Variants in CDKN2B-AS1 observed in about 807,000 individuals in gnomAD.
The protein encoded by CDKN2B-AS1 is CDKN2B antisense RNA 1 (non-protein coding).
intron 2 of CDKN2B-AS1, among the ~76,000 whole-genome samples, chr9:22,047,210 G>T (rs1370763894): frequency 6.6e-6 from 1 of 151,188 alleles, no homozygotes; most frequent in African/African-American, 2.4e-5. Flanking sequence ...TCTTTATTTT[G>T]TCTGTACCCA....
intron 1 of CDKN2B-AS1, among the ~76,000 whole-genome samples, chr9:22,044,350 T>G (rs1486202426): frequency 6.6e-6 from 1 of 151,912 alleles, no homozygotes; most frequent in Non-Finnish European, 1.5e-5. Flanking sequence ...ATCCTATAAT[T>G]AAGTTATCAA....
chr9:22,126,977 T>C (rs532759324), intron 4 of CDKN2B-AS1, among the ~76,000 whole-genome samples: 6 of 152,354 alleles, frequency 3.9e-5, no homozygotes, highest in African/African-American at 1.4e-4. Flanking sequence ...CATCAAATCT[T>C]TTACATTGTT....
rs1281402838 is a variant in CDKN2B-AS1 at position 22,120,749 on chromosome 9, GTCA to G, written n.439-6349_439-6347del. 4 of 151,364 alleles carry G rather than the reference GTCA, an allele frequency of 2.6e-5. No individual in the cohort carries two copies. The East Asian group carries it at 7.8e-4, about 29-fold the overall frequency. The allele number at this position is 151,364 out of a possible 1,614,324, so 9.4% of individuals were successfully genotyped here. On this transcript the variant is annotated intron_variant and non_coding_transcript_variant, in intron 4 of 4. Coordinates refer to ENST00000650946, the Ensembl canonical transcript of CDKN2B-AS1. ...TCTTTCTGGTATATTTTCCTGTGTTGTCATCATTATCATCTCCATCATCATTAT... is the reference window on the plus strand; with the variant it reads ...TCTTTCTGGTATATTTTCCTGTGTTGTCATTATCATCTCCATCATCATTAT...
At chr9:22,015,400 A>T (rs1258295621) in intron 1 of CDKN2B-AS1, among the ~76,000 whole-genome samples, 1 of 152,198 alleles carries the variant, frequency 6.6e-6, no homozygotes, top group Non-Finnish European at 1.5e-5. Flanking sequence ...TTTTTAAATC[A>T]GGTAATGTAA....
intron 4 of CDKN2B-AS1, among the ~76,000 whole-genome samples, chr9:22,060,015 T>G (rs1823747832): frequency 6.6e-6 from 1 of 152,120 alleles, no homozygotes; most frequent in Admixed American, 6.5e-5. Context: ...CACTTTTTCC[T>G]CTTGGGCCTC....
intron 1 of CDKN2B-AS1, among the ~76,000 whole-genome samples, chr9:22,015,619 T>A (rs1563922694): frequency 6.6e-6 from 1 of 151,976 alleles, no homozygotes; most frequent in Non-Finnish European, 1.5e-5. Context: ...CCCCATTTAT[T>A]TTTATTTATT....
rs3221506 is a variant in CDKN2B-AS1, at chr9:22,103,131, ATGTGTGTGTGTG to A, written n.439-23935_439-23924del. 4.5e-3 allele frequency among the ~76,000 whole-genome samples: 596 copies of A among 132,518 alleles called. 8 individuals carry two copies. In the East Asian group the frequency reaches 0.05, roughly 11 times the overall value. 86.9% of individuals were successfully genotyped at this position (132,518 alleles called of 152,430 possible). On this transcript the variant is annotated intron_variant and non_coding_transcript_variant, in intron 4 of 4. Transcript: ENST00000650946. ...TTCTGGGGTTTTCATTCTAGAACAG[ATGTGTGTGTGTG>A]TGTGTGTGTGTGTGTGTGTGTGTGT...
At chr9:22,004,147 T>C (rs1433245739) in intron 1 of CDKN2B-AS1, 2 of 232,410 alleles carry the variant, frequency 8.6e-6, no homozygotes, top group Non-Finnish European at 1.7e-5. Context: ...GTACAGATTA[T>C]GTGTCAATAA....
intron 1 of CDKN2B-AS1, chr9:22,012,525 A>C (rs925051564): frequency 9.5e-6 from 6 of 631,550 alleles, no homozygotes; most frequent in Admixed American, 1.9e-5. Flanking sequence ...CTGCACCCCA[A>C]GAAGGTCAAA....
chr9:22,084,217 C>A (rs2131333419), intron 4 of CDKN2B-AS1, among the ~76,000 whole-genome samples: 2 of 152,222 alleles, frequency 1.3e-5, no homozygotes, highest in East Asian at 3.9e-4. Flanking sequence ...AGAATTTGAG[C>A]CCAAGTCTCT....
intron 4 of CDKN2B-AS1, chr9:22,097,116 T>A (rs1825308129): frequency 6.6e-6 from 1 of 152,238 alleles, no homozygotes; most frequent in South Asian, 2.1e-4. Context: ...CCATTCTTAA[T>A]CTTTCTGATA....
chr9:22,114,264 C>G (rs1563989842), intron 4 of CDKN2B-AS1, among the ~76,000 whole-genome samples: 1 of 152,198 alleles, frequency 6.6e-6, no homozygotes, highest in Non-Finnish European at 1.5e-5. Context: ...GTGACTTTCC[C>G]TCTTGGTCTT....
chr9:22,109,584 G>A (rs908947428), intron 4 of CDKN2B-AS1, among the ~76,000 whole-genome samples: 1 of 152,156 alleles, frequency 6.6e-6, no homozygotes, highest in Non-Finnish European at 1.5e-5. Flanking sequence ...GTAAGAGCAA[G>A]TATTTTATTG....
rs1420515662 is a variant in CDKN2B-AS1, at chr9:22,028,408, A to G, written n.30-18343A>G. ...TTAGGTTTCTAATTTTGCTATTCAC[A>G]TGTTAAATGAATTTTCAAAATTCAG... On this transcript the variant is annotated intron_variant and non_coding_transcript_variant, in intron 1 of 4. Transcript: ENST00000650946. Among the ~76,000 whole-genome samples, 9 of 152,262 alleles carry G rather than the reference A, an allele frequency of 5.9e-5. No individual in the cohort carries two copies. In the South Asian group the frequency reaches 6.2e-4, roughly 10 times the overall value.
At chr9:22,088,893 A>G (rs544050837) in intron 4 of CDKN2B-AS1, among the ~76,000 whole-genome samples, 3 of 152,320 alleles carry the variant, frequency 2.0e-5, no homozygotes, top group Admixed American at 6.5e-5. Context: ...GCTAAAATAA[A>G]CAGAAGTGAC....
chr9:22,012,749 G>C (rs569044814), intron 1 of CDKN2B-AS1, among the ~76,000 whole-genome samples: 1 of 152,178 alleles, frequency 6.6e-6, no homozygotes, highest in East Asian at 1.9e-4. Flanking sequence ...AGAAGAGAAG[G>C]AAATTCATAA....
At chr9:22,046,544 T>G (rs1052487638) in intron 1 of CDKN2B-AS1, 1 of 152,182 alleles carries the variant, frequency 6.6e-6, no homozygotes, top group Non-Finnish European at 1.5e-5. Context: ...GGCATTGGCA[T>G]CTGTACTAGA....
rs1821110020 is a variant in CDKN2B-AS1 at position 22,005,194 on chromosome 9, C to A, written n.29+10033C>A. The A allele has an allele frequency of 8.6e-6, 2 of 233,736 alleles. No individual in the cohort carries two copies. Among genetic ancestry groups the A allele is most frequent in the Non-Finnish European group, 1.7e-5 (2 of 118,464 alleles). 14.5% of individuals were successfully genotyped at this position (233,736 alleles called of 1,614,324 possible). On this transcript the variant is annotated intron_variant and non_coding_transcript_variant, in intron 1 of 4. Coordinates refer to ENST00000650946, the Ensembl canonical transcript of CDKN2B-AS1. This position sits in a 1 kb window ranked among gnomAD's most constrained non-coding sequence, Gnocchi z 4.9. ...CAATTGCTCTCACTCCACTCCACCA[C>A]CTCATCCTGTGTAGTCTGCCTGCGG...
At chr9:22,030,246 A>G (rs1189826224) in intron 1 of CDKN2B-AS1, 2 of 152,330 alleles carry the variant, frequency 1.3e-5, no homozygotes, top group Admixed American at 6.5e-5. Flanking sequence ...TTTTGCTTGT[A>G]GAATTATCAT....
Sources: allele counts gnomAD v4.1 joint callset (sites outside exome capture counted in the v4.1 genomes callset), GRCh38; gene constraint gnomAD v4.1.1; non-coding constraint Gnocchi (gnomAD v3.1); transcripts MANE v1.5; gene names NCBI Gene and HGNC (gene_info 2026-07-23, HGNC 2026-07-21).